NR1D2: variants seen among roughly 807,000 people sequenced by gnomAD.
NR1D2 encodes nuclear receptor subfamily 1 group D member 2, also known as V-erbA-related protein 1-related.
NR1D2 carries 25 observed loss-of-function variants against 52.2 expected under a neutral mutation model. The observed-to-expected ratio is 0.48, with a 90% confidence interval of 0.35 to 0.67. The LOEUF is 0.67. NR1D2 is among the 30% of genes least tolerant of loss of function. The pLI, the probability that NR1D2 is intolerant of heterozygous loss-of-function variation, is 0.01. For missense variants in NR1D2, 681 were observed against 707.2 expected (o/e 0.96, Z 0.42); for synonymous variants, 259 against 230.1 (o/e 1.13, Z -1.14).
rs1705928284 is a variant in NR1D2 at position 23,951,388 on chromosome 3, C to A, written c.17-3149C>A. On this transcript the variant is annotated intron_variant, in intron 1 of 7. Transcript: ENST00000312521. Reference sequence around the variant, plus strand: ...ACTTAAGACACTATTTTAGAGAAGACAAATAGCTGTGAGATCTTCCTTTGG... The same window carrying A: ...ACTTAAGACACTATTTTAGAGAAGAAAAATAGCTGTGAGATCTTCCTTTGG... 2.0e-5 allele frequency among the ~76,000 whole-genome samples: 3 copies of A among 152,290 alleles called. No individual in the cohort carries two copies. In the Middle Eastern group the frequency reaches 0.01, roughly 518 times the overall value.
rs1444481152 is a variant in NR1D2, at chr3:23,945,551, C to T, written c.-28C>T. 5.0e-5 allele frequency: 57 copies of T among 1,147,704 alleles called. No individual in the cohort carries two copies. Among genetic ancestry groups the T allele is most frequent in the Non-Finnish European group, 5.7e-5 (53 of 927,556 alleles). 71.1% of individuals were successfully genotyped at this position (1,147,704 alleles called of 1,614,324 possible). ...CGCTGCCCCCTCTGCGGGAAGCGGGCGGCCCCGGCCGCCTCCGCGAGGGCA... is the reference window on the plus strand; with the variant it reads ...CGCTGCCCCCTCTGCGGGAAGCGGGTGGCCCCGGCCGCCTCCGCGAGGGCA... On this transcript the variant is annotated 5_prime_UTR_variant, in exon 1 of 8. Coordinates refer to ENST00000312521, the MANE Select transcript of NR1D2 (RefSeq NM_005126.5).
chr3:23,971,338 C>A (rs904417730), intron 7 of NR1D2, among the ~76,000 whole-genome samples: 8 of 116,858 alleles, frequency 6.8e-5, no homozygotes, highest in African/African-American at 2.4e-4. Context: ...CAGAGTCTTA[C>A]TCTGTCACCC....
chr3:23,970,484 A>G (rs1460867660), intron 7 of NR1D2, among the ~76,000 whole-genome samples: 1 of 152,232 alleles, frequency 6.6e-6, no homozygotes, highest in Non-Finnish European at 1.5e-5. Flanking sequence ...AAAAAAGGTT[A>G]TAATATCACT....
intron 5 of NR1D2, among the ~76,000 whole-genome samples, chr3:23,964,121 C>A (rs531808170): frequency 1.3e-5 from 2 of 151,698 alleles, no homozygotes; most frequent in Non-Finnish European, 2.9e-5. Flanking sequence ...CTCTGTCACC[C>A]AGGCTGGAGT....
At position 23,979,791 on chromosome 3, in the gene NR1D2, G is replaced by C. The variant is rs1448799952; in HGVS notation, c.*2372G>C. 6.6e-6 allele frequency: 1 copy of C among 152,084 alleles called. No individual in the cohort carries two copies. Among genetic ancestry groups the C allele is most frequent in the African/African-American group, 2.4e-5 (1 of 41,428 alleles). 9.4% of individuals were successfully genotyped at this position (152,084 alleles called of 1,614,324 possible). The stretch of plus-strand genomic sequence containing the variant: ...TGGTTATAAACTTACTAAATGCAGA[G>C]AAAGCAGCCAATTTAGGAAACTTCT... On this transcript the variant is annotated 3_prime_UTR_variant, in exon 8 of 8. Transcript: ENST00000312521.
At chr3:23,958,698 A>G (rs1317853434) in intron 3 of NR1D2, among the ~76,000 whole-genome samples, 2 of 150,862 alleles carry the variant, frequency 1.3e-5, no homozygotes, top group African/African-American at 4.9e-5. Context: ...CTGTAATCCT[A>G]GCACTTTGGG....
At chr3:23,974,986 A>G (rs907854690) in intron 7 of NR1D2, among the ~76,000 whole-genome samples, 4 of 150,736 alleles carry the variant, frequency 2.7e-5, no homozygotes, top group African/African-American at 9.8e-5. Flanking sequence ...GCCCGGCTAA[A>G]TTTTGTATTT....
At chr3:23,959,928 A>C in intron 4 of NR1D2, 113 bp downstream of exon 4, 1 of 944,512 alleles carries the variant, frequency 1.1e-6, no homozygotes, top group South Asian at 2.2e-5. Flanking sequence ...ATTTAAGGTG[A>C]AGCAGAAAAC....
rs1706759562 is a variant in NR1D2, at chr3:23,977,377, C to T, written c.1698C>T (p.Asn566=). The change falls in exon 8 of 8, where the codon AAC becomes AAT. Residue 566 remains asparagine, a synonymous_variant. Coordinates refer to ENST00000312521, the MANE Select transcript of NR1D2 (RefSeq NM_005126.5). ...TGCCAGATCTTCGATCTTTAAACAA[C>T]ATGCACTCTGAGGAGCTCTTGGCCT... ...LKLPDLRSLN[N]MHSEELLAFK... 6 of 1,611,842 alleles carry T rather than the reference C, an allele frequency of 3.7e-6. No homozygotes were observed. In the African/African-American group the frequency reaches 4.0e-5, roughly 11 times the overall value.
intron 4 of NR1D2, 159 bp downstream of exon 4, chr3:23,959,974 A>C (rs1037602242): frequency 5.5e-6 from 3 of 540,796 alleles, no homozygotes; most frequent in Non-Finnish European, 8.8e-6. Flanking sequence ...AAATTGATTA[A>C]AGTCGTATTT....
At position 23,962,148 on chromosome 3, in the gene NR1D2, A is replaced by G. The variant is rs776271878; in HGVS notation, c.689A>G (p.Lys230Arg). 3.6e-5 allele frequency: 58 copies of G among 1,614,038 alleles called. No individual in the cohort carries two copies. The highest frequency in any genetic ancestry group is 4.9e-5 in the Non-Finnish European group (58 of 1,180,044). ...CCAGCCCAGGAACAGCTGCGACCCA[A>G]GCCCCAACTGGAGCAAGAAAACATC... ...ALPAQEQLRP[K>R]PQLEQENIKS... The change falls in exon 5 of 8, where the codon AAG becomes AGG. Residue 230 changes from lysine to arginine, a missense_variant. Lys to Arg is a conservative substitution (Grantham distance 26). Transcript: ENST00000312521.
At chr3:23,971,494 C>G (rs1706589596) in intron 7 of NR1D2, among the ~76,000 whole-genome samples, 1 of 151,728 alleles carries the variant, frequency 6.6e-6, no homozygotes, top group Non-Finnish European at 1.5e-5. Context: ...GTCTTGAACT[C>G]CTGACCTTAG....
At position 23,962,392 on chromosome 3, in the gene NR1D2, T is replaced by C. The variant is rs1451001574; in HGVS notation, c.933T>C (p.Cys311=). 6.2e-7 allele frequency: 1 copy of C among 1,614,146 alleles called. No homozygotes were observed. Among genetic ancestry groups the C allele is most frequent in the Non-Finnish European group, 8.5e-7 (1 of 1,180,006 alleles). The change falls in exon 5 of 8, where the codon TGT becomes TGC. Residue 311 remains cysteine (C), a synonymous_variant. Coordinates refer to ENST00000312521, the MANE Select transcript of NR1D2 (RefSeq NM_005126.5). ...CGNGLSSHFP[C]SESQQHLNGQ... Reference sequence around the variant, plus strand: ...ATGGGCTTAGCAGCCATTTTCCCTGTAGTGAGAGCCAGCAGCATCTCAATG... The same window carrying C: ...ATGGGCTTAGCAGCCATTTTCCCTGCAGTGAGAGCCAGCAGCATCTCAATG...
chr3:23,966,088 T>G (rs991118210), intron 6 of NR1D2, among the ~76,000 whole-genome samples: 2 of 152,204 alleles, frequency 1.3e-5, no homozygotes, highest in Non-Finnish European at 1.5e-5. Context: ...GTCTTTCACC[T>G]TCTGTCTGCC....
intron 2 of NR1D2, 81 bp downstream of exon 2, chr3:23,954,884 C>A: frequency 7.8e-7 from 1 of 1,274,026 alleles, no homozygotes; most frequent in Non-Finnish European, 1.1e-6. Context: ...TTTAGGTGGC[C>A]ATTATGTTTC....
In NR1D2 at chr3:23,978,237, T is replaced by C. The variant is rs1559340418; in HGVS notation, c.*818T>C. ...AAAGACATAGTACATGTACATAATA[T>C]GTATGTGAATATAGTTAAATATATT... On this transcript the variant is annotated 3_prime_UTR_variant, in exon 8 of 8. Coordinates refer to ENST00000312521, the MANE Select transcript of NR1D2 (RefSeq NM_005126.5). 1 of 152,196 alleles carries C rather than the reference T, an allele frequency of 6.6e-6. No individual in the cohort carries two copies. Among genetic ancestry groups the C allele is most frequent in the South Asian group, 2.1e-4 (1 of 4,836 alleles). The allele number at this position is 152,196 out of a possible 1,614,324, so 9.4% of individuals were successfully genotyped here. A position where few individuals can be genotyped will look rare whatever the true frequency, so the allele number is the denominator to read the frequency against.
intron 3 of NR1D2, among the ~76,000 whole-genome samples, chr3:23,957,004 T>C (rs1345329593): frequency 6.6e-6 from 1 of 151,914 alleles, no homozygotes; most frequent in Non-Finnish European, 1.5e-5. Flanking sequence ...TTTTTTTAGA[T>C]GGAGTTTTGC....
Position 23,979,552 on chromosome 3 carries a change from A to G in NR1D2, c.*2133A>G, listed in dbSNP as rs1195882303. 6.6e-6 allele frequency: 1 copy of G among 152,046 alleles called. No individual in the cohort carries two copies. The highest frequency in any genetic ancestry group is 1.5e-5 in the Non-Finnish European group (1 of 67,960). 9.4% of individuals were successfully genotyped at this position (152,046 alleles called of 1,614,324 possible). On this transcript the variant is annotated 3_prime_UTR_variant, in exon 8 of 8. Transcript: ENST00000312521. ...ATAAAACTTTAGTTAGGTTCAATAT[A>G]TACATATATACATCTCTATATAGGT... is the stretch of plus-strand genomic sequence containing the variant.
intron 1 of NR1D2, among the ~76,000 whole-genome samples, chr3:23,947,839 C>T (rs1284115461): frequency 2.0e-5 from 3 of 152,146 alleles, no homozygotes; most frequent in Non-Finnish European, 2.9e-5. Flanking sequence ...TTAAACTGGC[C>T]GGGCACAGTG....
Sources: allele counts gnomAD v4.1 joint callset (sites outside exome capture counted in the v4.1 genomes callset), GRCh38; gene constraint gnomAD v4.1.1; transcripts MANE v1.5; gene names NCBI Gene and HGNC (gene_info 2026-07-23, HGNC 2026-07-21).